SRSF3: variants seen among roughly 807,000 people sequenced by gnomAD.
The protein encoded by SRSF3 is serine/arginine-rich splicing factor 3.
For missense variants in SRSF3, 58 were observed against 217.1 expected, an observed-to-expected ratio of 0.27 and a Z score of 4.61; for synonymous variants, 87 against 73.6, an observed-to-expected ratio of 1.18 and a Z score of -0.93.
At chr6:36,601,061 G>A (rs889203423) in intron 3 of SRSF3, 91 bp from the exon 4 acceptor site, 11 of 787,134 alleles carry the variant, frequency 1.4e-5, no homozygotes, top group African/African-American at 9.0e-5. Context: ...CACATTCACT[G>A]GGCCCAACAG....
chr6:36,601,381 C>A, intron 4 of SRSF3, 191 bp downstream of exon 4: 1 of 636,060 alleles, frequency 1.6e-6, no homozygotes. Flanking sequence ...AAAAAAGGAT[C>A]TGTCACCCAG....
rs1344823296 is a variant in SRSF3 at position 36,598,663 on chromosome 6, T to G, written c.207-186T>G. ...TCATAAAGTGTTGGGATTACAGGCG[T>G]GTACCACCGTGCCTGGCCAAAGCTC... is the stretch of plus-strand genomic sequence containing the variant. On this transcript the variant is annotated intron_variant, in intron 2 of 5. Transcript: ENST00000373715. The G allele has an allele frequency of 4.8e-6, 3 of 631,488 alleles. No homozygotes were observed. In the East Asian group the frequency reaches 8.7e-5, roughly 18 times the overall value. 39.1% of individuals were successfully genotyped at this position (631,488 alleles called of 1,614,324 possible). A position where few individuals can be genotyped will look rare whatever the true frequency, so the allele number is the denominator to read the frequency against.
chr6:36,597,097 CTTTT>C (rs35760494), intron 2 of SRSF3, 129 bp downstream of exon 2: 6,726 of 353,062 alleles, frequency 0.019, 12 homozygotes, highest in African/African-American at 0.048. Context: ...CAATTGGGAT[CTTTT>C]TTTTTTTTTT....
intron 2 of SRSF3, among the ~76,000 whole-genome samples, chr6:36,597,603 C>T (rs768205945): frequency 6.6e-6 from 1 of 151,956 alleles, no homozygotes; most frequent in Non-Finnish European, 1.5e-5. Context: ...ACCTCCATGC[C>T]CCCACCCCCC....
In SRSF3 at chr6:36,604,812, G is replaced by A. The variant is rs1778784841; in HGVS notation, c.*2823G>A. ...TAGTTTTTCAGGGTGACCTAACCCT[G>A]TGTAATTTTGAGGAGTTCTACATGA... On this transcript the variant is annotated 3_prime_UTR_variant, in exon 6 of 6. Coordinates refer to ENST00000373715, the MANE Select transcript of SRSF3 (RefSeq NM_003017.5). 6.6e-6 allele frequency: 1 copy of A among 152,326 alleles called. No homozygotes were observed. The highest frequency in any genetic ancestry group is 1.9e-4 in the East Asian group (1 of 5,188). 9.4% of individuals were successfully genotyped at this position (152,326 alleles called of 1,614,324 possible). A position where few individuals can be genotyped will look rare whatever the true frequency, so the allele number is the denominator to read the frequency against.
At position 36,604,912 on chromosome 6, in the gene SRSF3, G is replaced by A. The variant is rs981270416; in HGVS notation, c.*2923G>A. 12 of 152,168 alleles carry A rather than the reference G, an allele frequency of 7.9e-5. No individual in the cohort carries two copies. The highest frequency in any genetic ancestry group is 2.9e-4 in the African/African-American group (12 of 41,432). 9.4% of individuals were successfully genotyped at this position (152,168 alleles called of 1,614,324 possible). ...TATGCTTTTTTTCAGAGTTCTGAAT[G>A]AGATTTAGTTGTCATACCTAGTTGG... On this transcript the variant is annotated 3_prime_UTR_variant, in exon 6 of 6. Transcript: ENST00000373715.
intron 4 of SRSF3, 102 bp downstream of exon 4, chr6:36,601,292 T>G: frequency 8.7e-7 from 1 of 1,152,024 alleles, no homozygotes; most frequent in Non-Finnish European, 1.3e-6. Flanking sequence ...AACCTTGGCT[T>G]TAATAGTGAA....
intron 2 of SRSF3, chr6:36,597,175 C>T (rs958731701): frequency 1.0e-5 from 6 of 578,284 alleles, no homozygotes; most frequent in South Asian, 8.5e-5. Context: ...TACAGTCTCC[C>T]GCTCCCCGCA....
In SRSF3 at chr6:36,603,083, T is replaced by A. The variant is rs1282597324; in HGVS notation, c.*1094T>A. 1 of 221,628 alleles carries A rather than the reference T, an allele frequency of 4.5e-6. No individual in the cohort carries two copies. Among genetic ancestry groups the A allele is most frequent in the Non-Finnish European group, 9.0e-6 (1 of 110,646 alleles). The allele number at this position is 221,628 out of a possible 1,614,324, so 13.7% of individuals were successfully genotyped here. A position where few individuals can be genotyped will look rare whatever the true frequency, so the allele number is the denominator to read the frequency against. On this transcript the variant is annotated 3_prime_UTR_variant, in exon 6 of 6. Coordinates refer to ENST00000373715, the MANE Select transcript of SRSF3 (RefSeq NM_003017.5). ...CTAAGTGATAGTTAACCCATTTTTTTTTTTTTTAGGCATAGAAGCCAGTTC... is the reference window on the plus strand; with the variant it reads ...CTAAGTGATAGTTAACCCATTTTTTATTTTTTTAGGCATAGAAGCCAGTTC...
In SRSF3 at chr6:36,602,161, A is replaced by G. The variant is rs576936298; in HGVS notation, c.*172A>G. The G allele has an allele frequency of 1.2e-4, 155 of 1,248,318 alleles. 1 individual carries two copies. In the East Asian group the frequency reaches 2.7e-3, roughly 22 times the overall value. The allele number at this position is 1,248,318 out of a possible 1,614,324, so 77.3% of individuals were successfully genotyped here. A position where few individuals can be genotyped will look rare whatever the true frequency, so the allele number is the denominator to read the frequency against. On this transcript the variant is annotated 3_prime_UTR_variant, in exon 6 of 6. Coordinates refer to ENST00000373715, the MANE Select transcript of SRSF3 (RefSeq NM_003017.5). ...CAGTGACACAAAGGTGTAATTCTCT[A>G]TGGTTTGAAATGGATCATACGAGGC...
Position 36,596,848 on chromosome 6 carries a change from C to G in SRSF3, c.86C>G (p.Ala29Gly). The G allele has an allele frequency of 6.2e-7, 1 of 1,614,044 alleles. No homozygotes were observed. Among genetic ancestry groups the G allele is most frequent in the Non-Finnish European group, 8.5e-7 (1 of 1,180,024 alleles). The stretch of plus-strand genomic sequence containing the variant: ...GGCAACAAGACGGAATTGGAACGGG[C>G]TTTTGGCTACTATGGACCACTCCGA... ...NNGNKTELER[A>G]FGYYGPLRSV... The change falls in exon 2 of 6, where the codon GCT becomes GGT. Residue 29 changes from alanine to glycine, a missense_variant. Ala to Gly is a moderately conservative substitution (Grantham distance 60). Transcript: ENST00000373715.
chr6:36,599,370 A>G (rs764509637), intron 3 of SRSF3: 41 of 193,236 alleles, frequency 2.1e-4, no homozygotes, highest in Non-Finnish European at 3.8e-4. Flanking sequence ...AATATTTATC[A>G]AACAGGCAGC....
At position 36,601,807 on chromosome 6, in the gene SRSF3, A is replaced by G; in HGVS notation, c.467+13A>G. 6.2e-7 allele frequency: 1 copy of G among 1,606,238 alleles called. No homozygotes were observed. Among genetic ancestry groups the G allele is most frequent in the Non-Finnish European group, 8.5e-7 (1 of 1,173,732 alleles). On this transcript the variant is annotated intron_variant, in intron 5 of 5. Coordinates refer to ENST00000373715, the MANE Select transcript of SRSF3 (RefSeq NM_003017.5). ...CTAGGTCTCGTAGGTAAGATCTTTG[A>G]TAACTTGTATTTAAGACTTTGCATA...
At chr6:36,595,661 C>G (rs1435294745) in intron 1 of SRSF3, among the ~76,000 whole-genome samples, 1 of 152,196 alleles carries the variant, frequency 6.6e-6, no homozygotes, top group East Asian at 1.9e-4. Context: ...GAGGATTTGT[C>G]AGTACATCAT....
chr6:36,598,632 T>C, intron 2 of SRSF3: 1 of 491,412 alleles, frequency 2.0e-6, no homozygotes, highest in Non-Finnish European at 3.6e-6. Context: ...TCCGCCTGCC[T>C]CGGCCTCATA....
At position 36,604,565 on chromosome 6, in the gene SRSF3, C is replaced by G. The variant is rs1305323748; in HGVS notation, c.*2576C>G. On this transcript the variant is annotated 3_prime_UTR_variant, in exon 6 of 6. Transcript: ENST00000373715. ...TTTACCAAGCACAGGTACCCTGTGT[C>G]TACCATTTGAGTATCTTAGAGATCC... The G allele has an allele frequency of 1.1e-5, 2 of 174,628 alleles. No homozygotes were observed. Among genetic ancestry groups the G allele is most frequent in the African/African-American group, 4.7e-5 (2 of 42,136 alleles). 10.8% of individuals were successfully genotyped at this position (174,628 alleles called of 1,614,324 possible).
At position 36,598,957 on chromosome 6, in the gene SRSF3, T is replaced by C. The variant is rs1479031752; in HGVS notation, c.315T>C (p.Arg105=). The change falls in exon 3 of 6, where the codon CGT becomes CGC. Residue 105 remains arginine (R), a synonymous_variant. Coordinates refer to ENST00000373715, the MANE Select transcript of SRSF3 (RefSeq NM_003017.5). The stretch of plus-strand genomic sequence containing the variant: ...GTCGTCGCCCTCGAGATGATTATCG[T>C]AGGAGGAGTCCTCCACCTCGTCGCA... ...SWGRRPRDDY[R]RRSPPPRRRS... is the part of the protein sequence containing the mutation. 1.2e-6 allele frequency: 2 copies of C among 1,614,216 alleles called. No individual in the cohort carries two copies. The highest frequency in any genetic ancestry group is 1.3e-5 in the African/African-American group (1 of 75,066).
chr6:36,599,091 A>C (rs1055150733), intron 3 of SRSF3, 108 bp downstream of exon 3: 5 of 1,385,944 alleles, frequency 3.6e-6, no homozygotes, highest in Non-Finnish European at 3.9e-6. Flanking sequence ...GAAGAATCGG[A>C]GGTTTCTGTG....
chr6:36,604,890 G>C lies in SRSF3; in HGVS notation c.*2901G>C, dbSNP rs1778786096. On this transcript the variant is annotated 3_prime_UTR_variant, in exon 6 of 6. Transcript: ENST00000373715. ...CTAGTTTAGTATTTTGTCCAAGTAT[G>C]CTTTTTTTCAGAGTTCTGAATGAGA... 6.6e-6 allele frequency: 1 copy of C among 152,148 alleles called. No individual in the cohort carries two copies. Among genetic ancestry groups the C allele is most frequent in the Admixed American group, 6.5e-5 (1 of 15,270 alleles). The allele number at this position is 152,148 out of a possible 1,614,324, so 9.4% of individuals were successfully genotyped here.
Sources: gnomAD v4.1 joint callset for allele counts (sites outside exome capture counted in the v4.1 genomes callset) on GRCh38, gnomAD v4.1.1 for gene constraint, MANE v1.5 for transcripts, NCBI Gene and HGNC (gene_info 2026-07-23, HGNC 2026-07-21) for gene names.